CTF1: variants seen among roughly 807,000 people sequenced by gnomAD.
The protein encoded by CTF1 is cardiotrophin 1.
A neutral mutation model predicts 10.9 loss-of-function variants in CTF1; 9 were observed. That is an observed-to-expected ratio of 0.83 (90% confidence interval 0.50 to 1.44). The LOEUF (loss-of-function observed/expected upper bound fraction) is 1.44. Ranked by LOEUF, CTF1 falls within the 40% of genes most tolerant of loss-of-function variation. CTF1 has a pLI of 0.00. For synonymous variants in CTF1, 133 were observed against 138.8 expected, an observed-to-expected ratio of 0.96 and a Z score of 0.29; for missense variants, 259 against 275.3, an observed-to-expected ratio of 0.94 and a Z score of 0.42.
chr16:30,899,567 C>CG, intron 2 of CTF1, 34 bp downstream of exon 2: 10 of 665,806 alleles, frequency 1.5e-5, no homozygotes, highest in Middle Eastern at 4.0e-4. Context: ...TGCCGGGGGC[C>CG]TGGGGAATGG....
chr16:30,896,802 C>T (rs2055355782), intron 1 of CTF1, 134 bp downstream of exon 1: 2 of 704,704 alleles, frequency 2.8e-6, no homozygotes. Flanking sequence ...GGCAGGGCTC[C>T]GGTGTCAGGT....
chr16:30,900,910 T>TG (rs1205089046), intron 2 of CTF1, among the ~76,000 whole-genome samples: 1 of 151,922 alleles, frequency 6.6e-6, no homozygotes, highest in Non-Finnish European at 1.5e-5. Flanking sequence ...TTTTTTTTTT[T>TG]GAAATGGAGT....
At position 30,902,444 on chromosome 16, in the gene CTF1, A is replaced by T; in HGVS notation, c.511A>T (p.Lys171Ter). The change falls in exon 3 of 3, where the codon AAG (lysine) becomes TAG (stop). Residue 171 changes from lysine to a stop codon, truncating the protein, a stop_gained. Coordinates refer to ENST00000279804, the MANE Select transcript of CTF1 (RefSeq NM_001330.5). LOFTEE classifies it high-confidence loss of function. ...AASATGVFPA[K>*]VLGLRVCGLY... is the part of the protein sequence containing the mutation. Reference sequence around the variant, plus strand: ...CTCCGCCACCGGGGTCTTCCCCGCCAAGGTGCTGGGGCTCCGCGTTTGCGG... The same window carrying T: ...CTCCGCCACCGGGGTCTTCCCCGCCTAGGTGCTGGGGCTCCGCGTTTGCGG... 1.4e-6 allele frequency: 2 copies of T among 1,426,230 alleles called. No homozygotes were observed. Among genetic ancestry groups the T allele is most frequent in the Non-Finnish European group, 1.8e-6 (2 of 1,088,410 alleles). 88.3% of individuals were successfully genotyped at this position (1,426,230 alleles called of 1,614,324 possible). A position where few individuals can be genotyped will look rare whatever the true frequency, so the allele number is the denominator to read the frequency against.
rs1188638075 is a variant in CTF1 at position 30,903,541 on chromosome 16, TAAAAA to T, written c.*1004_*1008del. The T allele has an allele frequency of 6.6e-6, 1 of 152,164 alleles. No homozygotes were observed. Among genetic ancestry groups the T allele is most frequent in the Non-Finnish European group, 1.5e-5 (1 of 68,040 alleles). 9.4% of individuals were successfully genotyped at this position (152,164 alleles called of 1,614,324 possible). A position where few individuals can be genotyped will look rare whatever the true frequency, so the allele number is the denominator to read the frequency against. ...TTTTTGTAAATAAAATGTTTAAAAATAAAAAAGAAACTAAAGTTACTTGTATATAT... is the reference window on the plus strand; with the variant it reads ...TTTTTGTAAATAAAATGTTTAAAAATAGAAACTAAAGTTACTTGTATATAT... On this transcript the variant is annotated 3_prime_UTR_variant, in exon 3 of 3. Transcript: ENST00000279804.
intron 1 of CTF1, among the ~76,000 whole-genome samples, chr16:30,897,215 G>A (rs1284896386): frequency 6.6e-6 from 1 of 152,164 alleles, no homozygotes; most frequent in East Asian, 1.9e-4. Flanking sequence ...GTCCCTCCCG[G>A]GGCGCCAGAC....
At chr16:30,901,046 C>T (rs1333607186) in intron 2 of CTF1, among the ~76,000 whole-genome samples, 2 of 152,076 alleles carry the variant, frequency 1.3e-5, no homozygotes, top group African/African-American at 4.8e-5. Context: ...GTCACCACCA[C>T]CATATCTGGC....
chr16:30,899,486 C>T lies in CTF1; in HGVS notation c.97C>T (p.Leu33Phe), dbSNP rs1422868299. The T allele has an allele frequency of 6.3e-7, 1 of 1,598,354 alleles. No homozygotes were observed. Among genetic ancestry groups the T allele is most frequent in the Non-Finnish European group, 8.5e-7 (1 of 1,170,442 alleles). Residue 33 changes from leucine to phenylalanine, a missense_variant, in exon 2 of 3, where the codon CTT becomes TTT. Transcript: ENST00000279804. ...LEAKIRQTHSLAHLLTKYAEQ... is the reference protein window; with the variant it reads ...LEAKIRQTHSFAHLLTKYAEQ... ...GGCCAAGATCCGTCAGACACACAGC[C>T]TTGCGCACCTCCTCACCAAATACGC...
Position 30,902,492 on chromosome 16 carries a change from C to T in CTF1, c.559C>T (p.Arg187Cys). 6.7e-7 allele frequency: 1 copy of T among 1,487,328 alleles called. No individual in the cohort carries two copies. Among genetic ancestry groups the T allele is most frequent in the Non-Finnish European group, 8.9e-7 (1 of 1,123,092 alleles). The allele number at this position is 1,487,328 out of a possible 1,614,324, so 92.1% of individuals were successfully genotyped here. Residue 187 changes from arginine (R) to cysteine (C), a missense_variant, in exon 3 of 3, where the codon CGC becomes TGC. Transcript: ENST00000279804. ...CGGCCTCTACCGCGAGTGGCTGAGCCGCACCGAGGGCGACCTGGGCCAGCT... is the reference window on the plus strand; with the variant it reads ...CGGCCTCTACCGCGAGTGGCTGAGCTGCACCGAGGGCGACCTGGGCCAGCT... ...VCGLYREWLS[R>C]TEGDLGQLLP...
chr16:30,902,101 C>A lies in CTF1; in HGVS notation c.168C>A (p.Phe56Leu). ...AGGTGCAGCTCCAGGGAGACCCCTTCGGGCTGCCCAGCTTCTCGCCGCCGC... is the reference window on the plus strand; with the variant it reads ...AGGTGCAGCTCCAGGGAGACCCCTTAGGGCTGCCCAGCTTCTCGCCGCCGC... The part of the protein sequence containing the change: ...QEYVQLQGDP[F>L]GLPSFSPPRL... The change falls in exon 3 of 3, where the codon TTC (phenylalanine) becomes TTA (leucine). Residue 56 changes from phenylalanine to leucine, a missense_variant. Physicochemically the swap from Phe to Leu is conservative, Grantham distance 22 (BLOSUM62 0). Transcript: ENST00000279804. 2.8e-6 allele frequency: 4 copies of A among 1,424,190 alleles called. No homozygotes were observed. Among genetic ancestry groups the A allele is most frequent in the Non-Finnish European group, 3.7e-6 (4 of 1,086,258 alleles). The allele number at this position is 1,424,190 out of a possible 1,614,324, so 88.2% of individuals were successfully genotyped here.
At chr16:30,900,924 G>A (rs925790968) in intron 2 of CTF1, among the ~76,000 whole-genome samples, 6 of 145,784 alleles carry the variant, frequency 4.1e-5, no homozygotes, top group Non-Finnish European at 7.5e-5. Context: ...ATGGAGTTTC[G>A]CTCTTGTGGC....
chr16:30,898,162 AT>A lies in CTF1; in HGVS notation c.26-1236del, dbSNP rs1368889898. Among the ~76,000 whole-genome samples the A allele has an allele frequency of 3.9e-3, 511 of 130,212 alleles. 1 individual carries two copies. Among genetic ancestry groups the A allele is most frequent in the Middle Eastern group, 0.01 (2 of 198 alleles). 85.4% of individuals were successfully genotyped at this position (130,212 alleles called of 152,430 possible). A position where few individuals can be genotyped will look rare whatever the true frequency, so the allele number is the denominator to read the frequency against. On this transcript the variant is annotated intron_variant, in intron 1 of 2. Transcript: ENST00000279804. ...AGGCGTGAGCCACTGCGCCTGGACA[AT>A]TTTTTTTTTTTTTTTTGAGACGAAG...
intron 1 of CTF1, among the ~76,000 whole-genome samples, chr16:30,898,575 G>A (rs2055374068): frequency 2.6e-5 from 4 of 152,060 alleles, no homozygotes; most frequent in East Asian, 1.9e-4. Context: ...TTACAGGCGT[G>A]AGCCACCACG....
At chr16:30,901,989 C>A in intron 2 of CTF1, 89 bp from the exon 3 acceptor site, 1 of 1,163,712 alleles carries the variant, frequency 8.6e-7, no homozygotes, top group Non-Finnish European at 1.1e-6. Context: ...AGGAAACTGA[C>A]ACCCCCAGAG....
chr16:30,902,580 C>T lies in CTF1; in HGVS notation c.*41C>T. ...TCGCCCCGCCTCCTCCCGCTGGGTT[C>T]CGTCTCTCCTTCCGCTTCTTTGTCT... On this transcript the variant is annotated 3_prime_UTR_variant, in exon 3 of 3. Coordinates refer to ENST00000279804, the MANE Select transcript of CTF1 (RefSeq NM_001330.5). 1 of 1,483,486 alleles carries T rather than the reference C, an allele frequency of 6.7e-7. No individual in the cohort carries two copies. The highest frequency in any genetic ancestry group is 8.9e-7 in the Non-Finnish European group (1 of 1,119,084). The allele number at this position is 1,483,486 out of a possible 1,614,324, so 91.9% of individuals were successfully genotyped here.
chr16:30,899,128 G>A (rs568865576), intron 1 of CTF1, among the ~76,000 whole-genome samples: 7 of 151,794 alleles, frequency 4.6e-5, no homozygotes, highest in Non-Finnish European at 7.3e-5. Flanking sequence ...ATGTATTTAC[G>A]TACTCTACGA....
chr16:30,901,171 G>T (rs1490479847), intron 2 of CTF1, among the ~76,000 whole-genome samples: 2 of 152,156 alleles, frequency 1.3e-5, no homozygotes, highest in Admixed American at 1.3e-4. Flanking sequence ...TGGATTACAG[G>T]CGTGAGTCAC....
At chr16:30,896,693 C>T (rs1374647794) in intron 1 of CTF1, 25 bp downstream of exon 1, 4 of 1,251,396 alleles carry the variant, frequency 3.2e-6, no homozygotes, top group African/African-American at 3.1e-5. Flanking sequence ...GACCGGACGC[C>T]GGGTCGCTGA....
rs397516651 is a variant in CTF1 at position 30,902,479 on chromosome 16, C to T, written c.546C>T (p.Arg182=). The T allele has an allele frequency of 1.1e-5, 17 of 1,479,278 alleles. No homozygotes were observed. Among genetic ancestry groups the T allele is most frequent in the African/African-American group, 1.5e-5 (1 of 68,474 alleles). The allele number at this position is 1,479,278 out of a possible 1,614,324, so 91.6% of individuals were successfully genotyped here. A position where few individuals can be genotyped will look rare whatever the true frequency, so the allele number is the denominator to read the frequency against. Residue 182 remains arginine, a synonymous_variant, in exon 3 of 3, where the codon CGC becomes CGT. Coordinates refer to ENST00000279804, the MANE Select transcript of CTF1 (RefSeq NM_001330.5). ...VLGLRVCGLY[R]EWLSRTEGDL... is the part of the protein sequence containing the mutation. ...GGCTCCGCGTTTGCGGCCTCTACCG[C>T]GAGTGGCTGAGCCGCACCGAGGGCG... is the stretch of plus-strand genomic sequence containing the variant.
upstream of CTF1, among the ~76,000 whole-genome samples, chr16:30,896,130 T>A (rs920941524): frequency 3.3e-5 from 5 of 151,876 alleles, no homozygotes; most frequent in Admixed American, 6.6e-5. Context: ...TCCCTCCTGG[T>A]GGGTGTGACA....
Sources: gnomAD v4.1 joint callset for allele counts (sites outside exome capture counted in the v4.1 genomes callset) on GRCh38, gnomAD v4.1.1 for gene constraint, MANE v1.5 for transcripts, NCBI Gene and HGNC (gene_info 2026-07-23, HGNC 2026-07-21) for gene names.